The following SH3TC1 variants were observed in gnomAD, a reference collection of about 807,000 sequenced individuals.
SH3TC1 encodes the protein SH3 domain and tetratricopeptide repeats 1.
A neutral mutation model predicts 117.3 loss-of-function variants in SH3TC1; 135 were observed. The observed-to-expected ratio is 1.15, with a 90% confidence interval of 1.00 to 1.33. SH3TC1 has a LOEUF of 1.33. Ranked by LOEUF, SH3TC1 falls within the 40% of genes most tolerant of loss-of-function variation. The pLI, the probability that SH3TC1 is intolerant of heterozygous loss-of-function variation, is 0.00. For synonymous variants in SH3TC1, 898 were observed against 816.9 expected, an observed-to-expected ratio of 1.10 and a Z score of -1.69; for missense variants, 2,092 against 1,794.3, an observed-to-expected ratio of 1.17 and a Z score of -3.00.
Position 8,210,798 on chromosome 4 carries a change from T to C in SH3TC1, c.247+976T>C, listed in dbSNP as rs1307415095. Among the ~76,000 whole-genome samples the C allele has an allele frequency of 6.9e-6, 1 of 144,744 alleles. No homozygotes were observed. Among genetic ancestry groups the C allele is most frequent in the Non-Finnish European group, 1.5e-5 (1 of 66,924 alleles). The allele number at this position is 144,744 out of a possible 152,430, so 95.0% of individuals were successfully genotyped here. On this transcript the variant is annotated intron_variant, in intron 3 of 17. Coordinates refer to ENST00000245105, the MANE Select transcript of SH3TC1 (RefSeq NM_018986.5). This position sits in a 1 kb window ranked among gnomAD's most constrained non-coding sequence, Gnocchi z 4.1. ...AAGGCCGTCACAGCTCAGGAACCAT[T>C]GTGGAATGATGGGCTGGTGCCTCCT...
chr4:8,234,335 CGTCT>C (rs966167098), intron 14 of SH3TC1, among the ~76,000 whole-genome samples: 33 of 151,856 alleles, frequency 2.2e-4, no homozygotes, highest in Middle Eastern at 3.4e-3. Flanking sequence ...TCCCTCCATT[CGTCT>C]GTCTGTCCAT....
chr4:8,198,102 C>T (rs1012650508), upstream of SH3TC1, among the ~76,000 whole-genome samples: 2 of 151,138 alleles, frequency 1.3e-5, no homozygotes, highest in Non-Finnish European at 2.9e-5. Flanking sequence ...CACAGGACAG[C>T]CCCCCGCCCT....
At chr4:8,202,467 G>A (rs1561678027) in intron 1 of SH3TC1, among the ~76,000 whole-genome samples, 2 of 152,268 alleles carry the variant, frequency 1.3e-5, no homozygotes, top group Admixed American at 6.5e-5. Context: ...CTTCCCCGGA[G>A]GGTCTCTTGG....
rs755194202 is a variant in SH3TC1 at position 8,218,264 on chromosome 4, G to A, written c.840-7G>A. On this transcript the variant is annotated splice_region_variant and splice_polypyrimidine_tract_variant and intron_variant, in intron 7 of 17. Transcript: ENST00000245105. ...CCGCAGCAAAGACCTCCCTCTTCCG[G>A]CTCCAGGTGGGCTCTTAGGATCCCC... is the stretch of plus-strand genomic sequence containing the variant. 2.7e-5 allele frequency: 44 copies of A among 1,608,584 alleles called. No individual in the cohort carries two copies. The highest frequency in any genetic ancestry group is 3.7e-5 in the Non-Finnish European group (44 of 1,175,904).
At chr4:8,188,958 G>A (rs542584444) in intron 1 of SH3TC1, among the ~76,000 whole-genome samples, 3 of 152,380 alleles carry the variant, frequency 2.0e-5, no homozygotes, top group African/African-American at 2.4e-5. Flanking sequence ...CACGTGGCTC[G>A]ACACATGAGG....
chr4:8,232,773 C>A, intron 13 of SH3TC1: 1 of 1,289,500 alleles, frequency 7.8e-7, no homozygotes. Context: ...GAGCCGGATT[C>A]CACAGGGACC....
chr4:8,233,683 TTCCA>T (rs1373504586), intron 14 of SH3TC1, among the ~76,000 whole-genome samples, 170 bp downstream of exon 14: 4 of 150,040 alleles, frequency 2.7e-5, no homozygotes, highest in South Asian at 2.1e-4. Flanking sequence ...CTATGGGTCC[TTCCA>T]TCCATCCATC....
At chr4:8,233,851 CCATCATCCATCCATT>C (rs1398694851) in intron 14 of SH3TC1, among the ~76,000 whole-genome samples, 1 of 151,180 alleles carries the variant, frequency 6.6e-6, no homozygotes, top group Non-Finnish European at 1.5e-5. Context: ...ATCCATCCTT[CCATCATCCATCCATT>C]CACCTATCAT....
intron 1 of SH3TC1, among the ~76,000 whole-genome samples, chr4:8,187,988 G>A (rs979276296): frequency 2.0e-5 from 3 of 152,094 alleles, no homozygotes; most frequent in Non-Finnish European, 2.9e-5. Flanking sequence ...ATCATTTCGG[G>A]GATCTATTGA....
rs761767321 is a variant in SH3TC1, at chr4:8,228,512, G to C, written c.2818G>C (p.Glu940Gln). ...VRLFSRLPLG[E>Q]CGRDFTHVLL... ...GCTGTTCTCGAGGCTGCCCCTTGGG[G>C]AGTGTGGCCGGGACTTCACCCACGT... Residue 940 changes from glutamate to glutamine, a missense_variant, in exon 12 of 18, where the codon GAG (glutamate) becomes CAG (glutamine). Coordinates refer to ENST00000245105, the MANE Select transcript of SH3TC1 (RefSeq NM_018986.5). The C allele has an allele frequency of 1.2e-6, 2 of 1,611,432 alleles. No individual in the cohort carries two copies. The highest frequency in any genetic ancestry group is 1.7e-6 in the Non-Finnish European group (2 of 1,179,614).
chr4:8,187,554 C>CTTTTTTT (rs764585932), intron 1 of SH3TC1, among the ~76,000 whole-genome samples: 1 of 139,968 alleles, frequency 7.1e-6, no homozygotes, highest in Non-Finnish European at 1.6e-5. Flanking sequence ...CTTTTCTTTT[C>CTTTTTTT]TTTTTTTTTT....
intron 2 of SH3TC1, among the ~76,000 whole-genome samples, chr4:8,208,976 C>T (rs1456900648): frequency 5.9e-5 from 9 of 152,330 alleles, no homozygotes; most frequent in East Asian, 3.9e-4. Flanking sequence ...AGAGAAACTG[C>T]GCAGGACAGA....
intron 12 of SH3TC1, 142 bp from the exon 13 acceptor site, chr4:8,231,834 G>A (rs959149312): frequency 1.1e-5 from 10 of 887,704 alleles, no homozygotes; most frequent in African/African-American, 1.7e-5. Context: ...CCCATGTCAC[G>A]GTGTGCTCAG....
Position 8,205,310 on chromosome 4 carries a change from C to T in SH3TC1, c.116C>T (p.Pro39Leu), listed in dbSNP as rs1251028788. ...RDQVRTVVMR[P>L]SVSWEKAGPE... ...CAGGTCCGGACTGTGGTCATGAGGC[C>T]CTCTGTGAGCTGGGAGAAAGCGGGG... The change falls in exon 2 of 18, where the codon CCC becomes CTC. Residue 39 changes from proline to leucine, a missense_variant. By Grantham distance (98) the Pro-to-Leu change is moderately conservative. Transcript: ENST00000245105. The surrounding 1 kb of genome is among the most constrained non-coding windows in gnomAD (Gnocchi z 5.4). The T allele has an allele frequency of 1.3e-6, 2 of 1,550,252 alleles. No individual in the cohort carries two copies. Among genetic ancestry groups the T allele is most frequent in the Admixed American group, 2.0e-5 (1 of 51,006 alleles).
intron 14 of SH3TC1, among the ~76,000 whole-genome samples, chr4:8,234,280 C>G (rs1264684025): frequency 6.6e-6 from 1 of 151,914 alleles, no homozygotes. Context: ...TCCATTTATC[C>G]ATCCATCATT....
chr4:8,182,394 C>T (rs1717103479), intron 1 of SH3TC1, among the ~76,000 whole-genome samples: 2 of 152,276 alleles, frequency 1.3e-5, no homozygotes, highest in East Asian at 1.9e-4. Context: ...GGTGCTGCCT[C>T]GAATGGGGTT....
At chr4:8,236,745 G>A (rs574160635) in intron 16 of SH3TC1, 42 of 317,750 alleles carry the variant, frequency 1.3e-4, no homozygotes, top group African/African-American at 7.7e-4. Flanking sequence ...CAGGCTGAGT[G>A]GCACATTCCC....
intron 10 of SH3TC1, among the ~76,000 whole-genome samples, chr4:8,223,955 C>A (rs866948386): frequency 6.6e-6 from 1 of 152,180 alleles, no homozygotes; most frequent in African/African-American, 2.4e-5. Context: ...TACTTGTATA[C>A]CTATGTGCAC....
chr4:8,223,713 AC>A (rs1344222162), intron 10 of SH3TC1, among the ~76,000 whole-genome samples: 3 of 151,086 alleles, frequency 2.0e-5, no homozygotes, highest in African/African-American at 4.9e-5. Context: ...GCTCACTGCA[AC>A]CTCTGCCTCC....
Sources: gnomAD v4.1 joint callset for allele counts (sites outside exome capture counted in the v4.1 genomes callset) on GRCh38, gnomAD v4.1.1 for gene constraint, Gnocchi (gnomAD v3.1) non-coding constraint, MANE v1.5 for transcripts, NCBI Gene and HGNC (gene_info 2026-07-23, HGNC 2026-07-21) for gene names.